ITGB6: variants seen among roughly 807,000 people sequenced by gnomAD.
ITGB6 encodes the protein integrin subunit beta 6, also known as integrin beta-6.
A neutral mutation model predicts 84.5 loss-of-function variants in ITGB6; 80 were observed. The observed-to-expected ratio is 0.95, with a 90% CI of 0.79 to 1.14. ITGB6 has a LOEUF of 1.14. Ranked by LOEUF, ITGB6 falls within the 50% of genes most tolerant of loss-of-function variation. The pLI, the probability that ITGB6 is intolerant of heterozygous loss-of-function variation, is 0.00. For missense variants in ITGB6, 1,006 were observed against 968.0 expected, an observed-to-expected ratio of 1.04 and a Z score of -0.52; for synonymous variants, 383 against 354.9, an observed-to-expected ratio of 1.08 and a Z score of -0.89.
chr2:160,143,105 T>C lies in ITGB6; in HGVS notation c.1018-1034A>G, dbSNP rs188560045. On this transcript the variant is annotated intron_variant, in intron 7 of 14. Transcript: ENST00000283249. ...GAGTTCGAGACCAGCCTGGCCAACA[T>C]GGTGAAACCCCGTCTCTACTAAAAA... 2.8e-3 allele frequency among the ~76,000 whole-genome samples: 431 copies of C among 152,218 alleles called. 2 individuals carry two copies. Among genetic ancestry groups the C allele is most frequent in the African/African-American group, 1.0e-2 (414 of 41,550 alleles).
chr2:160,105,050 C>T lies in ITGB6; in HGVS notation c.2268+2629G>A, dbSNP rs1265532364. On this transcript the variant is annotated intron_variant, in intron 14 of 14. Coordinates refer to ENST00000283249, the MANE Select transcript of ITGB6 (RefSeq NM_000888.5). ...GGAAAAAACTCAGTTAAATTGAAGA[C>T]CCCTAAATGTGTGCAGTGAGCGACA... Among the ~76,000 whole-genome samples, 7 of 152,160 alleles carry T rather than the reference C, an allele frequency of 4.6e-5. No homozygotes were observed. The East Asian group carries it at 1.3e-3, about 29-fold the overall frequency.
chr2:160,192,054 C>A (rs1017208580), intron 4 of ITGB6, among the ~76,000 whole-genome samples: 3 of 152,048 alleles, frequency 2.0e-5, no homozygotes, highest in Non-Finnish European at 4.4e-5. Flanking sequence ...TCAATATCCC[C>A]ACAAATTGAT....
intron 10 of ITGB6, among the ~76,000 whole-genome samples, chr2:160,136,953 A>C (rs909279708): frequency 3.9e-5 from 6 of 152,044 alleles, no homozygotes; most frequent in African/African-American, 1.5e-4. Context: ...CTAATGTTAA[A>C]TGATGAGTTA....
At chr2:160,158,056 A>G (rs780460439) in intron 7 of ITGB6, among the ~76,000 whole-genome samples, 13 of 152,328 alleles carry the variant, frequency 8.5e-5, no homozygotes, top group Non-Finnish European at 1.3e-4. Context: ...CAAGATTCCA[A>G]AAAGAACATG....
intron 4 of ITGB6, among the ~76,000 whole-genome samples, chr2:160,175,953 G>T (rs1685403457): frequency 6.6e-6 from 1 of 152,166 alleles, no homozygotes; most frequent in Non-Finnish European, 1.5e-5. Context: ...TGTACAGATA[G>T]ATCAGAATGA....
Position 160,195,605 on chromosome 2 carries a change from C to T in ITGB6, c.357G>A (p.Gln119=). 6.2e-7 allele frequency: 1 copy of T among 1,613,984 alleles called. No homozygotes were observed. The highest frequency in any genetic ancestry group is 2.2e-5 in the East Asian group (1 of 44,872). Residue 119 remains glutamine, a synonymous_variant, in exon 4 of 15, where the codon CAG becomes CAA. Coordinates refer to ENST00000283249, the MANE Select transcript of ITGB6 (RefSeq NM_000888.5). ...TCTGGCGGACATGCACCTGCAGAGT[C>T]TGCGCACCACCTGCAAAGCCCAACA... The part of the protein sequence containing the change: ...LILKLRPGGA[Q]TLQVHVRQTE...
At chr2:160,136,442 C>T (rs1242320789) in intron 10 of ITGB6, among the ~76,000 whole-genome samples, 1 of 152,134 alleles carries the variant, frequency 6.6e-6, no homozygotes, top group Non-Finnish European at 1.5e-5. Flanking sequence ...AACACTTTTA[C>T]ACTGTTGGTG....
chr2:160,184,432 G>C (rs1216030709), intron 4 of ITGB6, among the ~76,000 whole-genome samples: 1 of 152,196 alleles, frequency 6.6e-6, no homozygotes, highest in African/African-American at 2.4e-5. Flanking sequence ...AAACCAGGAA[G>C]AAGTCGAATA....
intron 12 of ITGB6, among the ~76,000 whole-genome samples, chr2:160,114,595 T>C (rs984322513): frequency 3.9e-5 from 6 of 152,164 alleles, no homozygotes; most frequent in Admixed American, 3.9e-4. Context: ...AGATGGGTGA[T>C]TTCTGCATTT....
At position 160,195,628 on chromosome 2, in the gene ITGB6, AC is replaced by A. The variant is rs773570939; in HGVS notation, c.347-14del. The A allele has an allele frequency of 1.1e-4, 185 of 1,613,124 alleles. No homozygotes were observed. Among genetic ancestry groups the A allele is most frequent in the Non-Finnish European group, 1.4e-4 (168 of 1,179,646 alleles). On this transcript the variant is annotated splice_polypyrimidine_tract_variant and intron_variant, in intron 3 of 14. Transcript: ENST00000283249. ...GTCTGCGCACCACCTGCAAAGCCCA[AC>A]AGGAAAAGCAAACCCAGGAAAACAC...
intron 4 of ITGB6, among the ~76,000 whole-genome samples, chr2:160,175,069 G>C (rs1049668438): frequency 6.6e-6 from 1 of 152,222 alleles, no homozygotes; most frequent in Non-Finnish European, 1.5e-5. Context: ...GAAGCGCAAA[G>C]AGACAAAAAG....
chr2:160,136,561 A>C (rs1192125734), intron 10 of ITGB6, among the ~76,000 whole-genome samples: 1 of 152,242 alleles, frequency 6.6e-6, no homozygotes, highest in East Asian at 1.9e-4. Flanking sequence ...GTATATACCC[A>C]AAGGATTAGA....
chr2:160,138,031 A>G (rs763588952), intron 9 of ITGB6, 34 bp downstream of exon 9: 2 of 1,588,112 alleles, frequency 1.3e-6, no homozygotes, highest in African/African-American at 1.4e-5. Context: ...CCATCCAGGT[A>G]TTTATTCAGA....
chr2:160,185,981 T>C (rs1264186685), intron 4 of ITGB6, among the ~76,000 whole-genome samples: 1 of 151,996 alleles, frequency 6.6e-6, no homozygotes, highest in Non-Finnish European at 1.5e-5. Flanking sequence ...CAAGATGGAT[T>C]AAAGACATAA....
intron 12 of ITGB6, among the ~76,000 whole-genome samples, chr2:160,115,628 G>A (rs1041175155): frequency 3.3e-5 from 5 of 152,254 alleles, no homozygotes; most frequent in Non-Finnish European, 7.3e-5. Context: ...AAGGAATGCA[G>A]CTCCTCACCA....
intron 7 of ITGB6, among the ~76,000 whole-genome samples, chr2:160,147,098 AAAAG>A (rs2105832088): frequency 6.7e-6 from 1 of 149,122 alleles, no homozygotes; most frequent in South Asian, 2.1e-4. Flanking sequence ...AAAAAAAAAA[AAAAG>A]AAAGAAAAGG....
rs2105898719 is a variant in ITGB6, at chr2:160,196,277, CT to C, written c.284del (p.Gln95ArgfsTer15). On this transcript the variant is annotated frameshift_variant, in exon 3 of 15. Transcript: ENST00000283249. LOFTEE classifies it high-confidence loss of function. ...LKNKPLSVGRQKNSSDIVQIA... is the reference protein window; with the variant it reads ...LKNKPLSVGRXKNSSDIVQIA... ...TCTGAACAATGTCAGAACTATTTTT[CT>C]GTCTGCCTACACTGAGAGGCTTATT... 6.2e-7 allele frequency: 1 copy of C among 1,614,060 alleles called. No individual in the cohort carries two copies. Among genetic ancestry groups the C allele is most frequent in the East Asian group, 2.2e-5 (1 of 44,860 alleles).
In ITGB6 at chr2:160,129,104, G is replaced by A. The variant is rs116851386; in HGVS notation, c.1661-2503C>T. 7.9e-5 allele frequency among the ~76,000 whole-genome samples: 12 copies of A among 152,218 alleles called. No homozygotes were observed. The East Asian group carries it at 2.1e-3, about 27-fold the overall frequency. ...ACTGAGAGGTAGGAAGGGAACAGAA[G>A]TGATATTGCAGAGGCCTGAGGCAGA... On this transcript the variant is annotated intron_variant, in intron 10 of 14. Coordinates refer to ENST00000283249, the MANE Select transcript of ITGB6 (RefSeq NM_000888.5).
intron 10 of ITGB6, among the ~76,000 whole-genome samples, chr2:160,134,105 T>C (rs1425705663): frequency 3.9e-5 from 6 of 152,086 alleles, no homozygotes; most frequent in Non-Finnish European, 8.8e-5. Flanking sequence ...AAAAAATCAA[T>C]GAATCCAGGA....
Sources: gnomAD v4.1 joint callset for allele counts (sites outside exome capture counted in the v4.1 genomes callset) on GRCh38, gnomAD v4.1.1 for gene constraint, MANE v1.5 for transcripts, NCBI Gene and HGNC (gene_info 2026-07-23, HGNC 2026-07-21) for gene names.